The following HIVEP3 variants were observed in gnomAD, a reference collection of about 807,000 sequenced individuals.
The protein encoded by HIVEP3 is HIVEP zinc finger 3.
In HIVEP3, 49 loss-of-function variants were observed where a neutral mutation model predicts 152.8. The ratio of observed to expected loss-of-function variants is 0.32; its 90% CI spans 0.26 to 0.41. The LOEUF (loss-of-function observed/expected upper bound fraction) is 0.41. Among genes scored for constraint, HIVEP3 ranks in the 10% least tolerant of loss-of-function variants. The probability of loss-of-function intolerance (pLI) is 1.00; values close to 1 mark genes in which losing one functional copy is unlikely to be tolerated. For missense variants in HIVEP3, 2,790 were observed against 3,103.3 expected (o/e 0.90, Z 2.40); for synonymous variants, 1,269 against 1,289.0 (o/e 0.98, Z 0.33).
chr1:41,781,669 T>C (rs896714838), intron 1 of HIVEP3, among the ~76,000 whole-genome samples: 7 of 152,350 alleles, frequency 4.6e-5, no homozygotes, highest in Admixed American at 6.5e-5. Flanking sequence ...GTCAATGGGA[T>C]AGAGAAAGGT....
intron 1 of HIVEP3, among the ~76,000 whole-genome samples, chr1:42,016,193 C>T (rs561016417): frequency 3.9e-4 from 60 of 152,266 alleles, no homozygotes; most frequent in African/African-American, 1.3e-3. Context: ...CGAGTTTCCA[C>T]GTTTTATTCT....
At chr1:42,013,416 G>C (rs55788989) in intron 1 of HIVEP3, among the ~76,000 whole-genome samples, 2,413 of 152,240 alleles carry the variant, frequency 0.016, 50 homozygotes, top group African/African-American at 0.051. Context: ...TGCTTTTGAT[G>C]TTCAAGCCCA....
chr1:41,947,831 A>T (rs1020593613), intron 1 of HIVEP3, among the ~76,000 whole-genome samples: 11 of 152,244 alleles, frequency 7.2e-5, no homozygotes, highest in African/African-American at 2.4e-4. Context: ...CAGTCTTAGT[A>T]TCTGAAGCAG....
Position 41,513,298 on chromosome 1 carries a change from C to G in HIVEP3, c.5923G>C (p.Ala1975Pro). The G allele has an allele frequency of 6.2e-7, 1 of 1,612,798 alleles. No individual in the cohort carries two copies. Among genetic ancestry groups the G allele is most frequent in the Admixed American group, 1.7e-5 (1 of 60,016 alleles). The change falls in exon 8 of 9, where the codon GCA (alanine) becomes CCA (proline). Residue 1975 changes from alanine to proline, a missense_variant. Coordinates refer to ENST00000372583, the MANE Select transcript of HIVEP3 (RefSeq NM_024503.5). Reference sequence around the variant, plus strand: ...CGGGCTAGTGGTGGACGGCTGCCTGCTTCTTTGCTTGGGGACCACGGTCTT... The same window carrying G: ...CGGGCTAGTGGTGGACGGCTGCCTGGTTCTTTGCTTGGGGACCACGGTCTT... ...PRRPWSPSKE[A>P]GSRPPLARKH...
chr1:41,536,512 A>G, intron 5 of HIVEP3, among the ~76,000 whole-genome samples: 1 of 152,084 alleles, frequency 6.6e-6, no homozygotes, highest in African/African-American at 2.4e-5. Flanking sequence ...AGGGCACTAG[A>G]GGGGGATGGG....
At chr1:41,537,255 T>C (rs1319227631) in intron 5 of HIVEP3, among the ~76,000 whole-genome samples, 1 of 152,248 alleles carries the variant, frequency 6.6e-6, no homozygotes, top group African/African-American at 2.4e-5. Context: ...TAGAAAACTC[T>C]TGCATCTCTT....
At chr1:41,542,836 T>C in intron 5 of HIVEP3, 1 of 161,176 alleles carries the variant, frequency 6.2e-6, no homozygotes, top group Non-Finnish European at 1.4e-5. Context: ...GAACCACTCT[T>C]CCACTTTTAA....
intron 1 of HIVEP3, among the ~76,000 whole-genome samples, chr1:41,703,362 G>A (rs1216918446): frequency 1.3e-5 from 2 of 152,104 alleles, no homozygotes; most frequent in Non-Finnish European, 2.9e-5. Context: ...ATTCCATAAG[G>A]GCAGAGACTA....
rs376234453 is a variant in HIVEP3, at chr1:41,510,886, T to C, written c.6786A>G (p.Lys2262=). Residue 2262 remains lysine, a synonymous_variant, in exon 9 of 9, where the codon AAA becomes AAG. Transcript: ENST00000372583. The part of the protein sequence containing the change: ...ASVSPVAKVS[K]FTLSSELEGG... ...CCTCCAGCTCTGAGGAGAGTGTGAA[T>C]TTGGAGACCTTAGCCACAGGCGACA... 3.1e-6 allele frequency: 5 copies of C among 1,613,242 alleles called. No homozygotes were observed. In the African/African-American group the frequency reaches 6.7e-5, roughly 22 times the overall value.
rs74226328 is a variant in HIVEP3 at position 41,752,661 on chromosome 1, C to T, written c.-800-51666G>A. 2.4e-4 allele frequency among the ~76,000 whole-genome samples: 37 copies of T among 152,288 alleles called. No individual in the cohort carries two copies. In the East Asian group the frequency reaches 6.4e-3, roughly 26 times the overall value. On this transcript the variant is annotated intron_variant, in intron 1 of 8. Transcript: ENST00000372583. ...GCAAATCCCTGGGCCTGTCCCAGACCGACAGAACCAGCAGTCTGTGTTTGA... is the reference window on the plus strand; with the variant it reads ...GCAAATCCCTGGGCCTGTCCCAGACTGACAGAACCAGCAGTCTGTGTTTGA...
At chr1:41,774,652 G>A (rs1166655752) in intron 1 of HIVEP3, among the ~76,000 whole-genome samples, 1 of 152,156 alleles carries the variant, frequency 6.6e-6, no homozygotes, top group African/African-American at 2.4e-5. Flanking sequence ...AATAAAAGGA[G>A]TTGCTCAATT....
intron 1 of HIVEP3, among the ~76,000 whole-genome samples, chr1:41,911,451 A>G (rs1042815490): frequency 6.6e-6 from 1 of 152,224 alleles, no homozygotes. Flanking sequence ...ATTTTTGATT[A>G]AAGTGAAACT....
At chr1:41,979,245 C>T (rs532344868) in intron 1 of HIVEP3, among the ~76,000 whole-genome samples, 10 of 152,282 alleles carry the variant, frequency 6.6e-5, no homozygotes, top group African/African-American at 2.2e-4. Flanking sequence ...TCACCCTGAC[C>T]CACAACTTGG....
chr1:42,027,260 T>C (rs1645587392), intron 1 of HIVEP3, among the ~76,000 whole-genome samples: 1 of 152,206 alleles, frequency 6.6e-6, no homozygotes. Flanking sequence ...TATTCAAAAC[T>C]TGTCCACTTC....
At chr1:41,669,834 A>G (rs986422528) in intron 2 of HIVEP3, among the ~76,000 whole-genome samples, 7 of 152,196 alleles carry the variant, frequency 4.6e-5, no homozygotes, top group African/African-American at 1.7e-4. Flanking sequence ...ATTATTTACA[A>G]TAAGTCTCTT....
intron 1 of HIVEP3, among the ~76,000 whole-genome samples, chr1:41,790,054 C>G (rs886854132): frequency 6.6e-6 from 1 of 152,176 alleles, no homozygotes; most frequent in African/African-American, 2.4e-5. Flanking sequence ...ACTCCAGGGT[C>G]AGAGAGGCTG....
At chr1:42,005,977 C>T (rs780071679) in intron 1 of HIVEP3, among the ~76,000 whole-genome samples, 6 of 152,010 alleles carry the variant, frequency 3.9e-5, no homozygotes, top group Non-Finnish European at 8.8e-5. Flanking sequence ...TATGATTTTC[C>T]TGGGAATTTC....
At chr1:41,888,202 A>ATTTTTTTTT (rs61561436) in intron 1 of HIVEP3, among the ~76,000 whole-genome samples, 986 of 98,962 alleles carry the variant, frequency 1.0e-2, no homozygotes, top group Non-Finnish European at 0.013. Flanking sequence ...CGCCCGGCTA[A>ATTTTTTTTT]TTTTTTTTTT....
chr1:41,534,654 G>GC (rs1350969144), intron 5 of HIVEP3, among the ~76,000 whole-genome samples: 1 of 152,210 alleles, frequency 6.6e-6, no homozygotes, highest in Non-Finnish European at 1.5e-5. Flanking sequence ...CCCAGCAGGT[G>GC]CCCAATACAT....
Sources: gnomAD v4.1 joint callset for allele counts (sites outside exome capture counted in the v4.1 genomes callset) on GRCh38, gnomAD v4.1.1 for gene constraint, MANE v1.5 for transcripts, NCBI Gene and HGNC (gene_info 2026-07-23, HGNC 2026-07-21) for gene names.